The following CNBD1 variants were observed in gnomAD, a reference collection of about 807,000 sequenced individuals.
CNBD1 encodes the protein cyclic nucleotide-binding domain-containing protein 1.
In CNBD1, 71 loss-of-function variants were observed where a neutral mutation model predicts 54.4. The ratio of observed to expected loss-of-function variants is 1.30; its 90% CI spans 1.08 to 1.59. The LOEUF (loss-of-function observed/expected upper bound fraction) is 1.59, where lower values mean the gene tolerates loss of function less well. Among genes scored for constraint, CNBD1 ranks in the 40% most tolerant of loss-of-function variants. The probability of loss-of-function intolerance (pLI) is 0.00; values close to 1 mark genes in which losing one functional copy is unlikely to be tolerated. For synonymous variants in CNBD1, 182 were observed against 170.7 expected (o/e 1.07, Z -0.51); for missense variants, 659 against 518.0 (o/e 1.27, Z -2.64).
chr8:87,179,155 C>T (rs937941549), intron 4 of CNBD1, among the ~76,000 whole-genome samples: 2 of 152,112 alleles, frequency 1.3e-5, no homozygotes, highest in African/African-American at 4.8e-5. Flanking sequence ...GTGATCCACC[C>T]GCCTTGGCCT....
At chr8:87,165,487 TTTG>T (rs1418990182) in intron 4 of CNBD1, among the ~76,000 whole-genome samples, 1 of 152,006 alleles carries the variant, frequency 6.6e-6, no homozygotes, top group African/African-American at 2.4e-5. Flanking sequence ...GATCGACACT[TTTG>T]TTATTATAAA....
chr8:87,311,078 A>T (rs1809253762), intron 8 of CNBD1, among the ~76,000 whole-genome samples: 1 of 152,076 alleles, frequency 6.6e-6, no homozygotes, highest in Non-Finnish European at 1.5e-5. Flanking sequence ...AGCAATTGCA[A>T]CAAAAACAAA....
chr8:86,867,287 A>G (rs1418886016), intron 1 of CNBD1, among the ~76,000 whole-genome samples: 2 of 152,182 alleles, frequency 1.3e-5, no homozygotes, highest in African/African-American at 4.8e-5. Context: ...AGTGTTAGTT[A>G]AGATTTTTAA....
intron 4 of CNBD1, among the ~76,000 whole-genome samples, chr8:87,188,916 T>C (rs761696422): frequency 6.6e-6 from 1 of 151,724 alleles, no homozygotes; most frequent in Non-Finnish European, 1.5e-5. Flanking sequence ...TTGTAAACTT[T>C]TGAGCACAAG....
intron 4 of CNBD1, among the ~76,000 whole-genome samples, chr8:87,077,294 C>T (rs1248589970): frequency 1.3e-5 from 2 of 152,086 alleles, no homozygotes; most frequent in Non-Finnish European, 2.9e-5. Flanking sequence ...GGGCTGTCAG[C>T]AGGGTGGGAT....
intron 8 of CNBD1, among the ~76,000 whole-genome samples, chr8:87,342,667 T>C (rs906964125): frequency 6.6e-6 from 1 of 152,026 alleles, no homozygotes; most frequent in Non-Finnish European, 1.5e-5. Flanking sequence ...CATCACATAT[T>C]GGTAGGGCCG....
intron 9 of CNBD1, among the ~76,000 whole-genome samples, chr8:87,353,410 C>T (rs889428782): frequency 1.3e-4 from 20 of 152,172 alleles, no homozygotes; most frequent in Non-Finnish European, 1.9e-4. Flanking sequence ...AAGGACAATG[C>T]TTTCAATTAC....
rs78649588 is a variant in CNBD1, at chr8:87,043,911, G to A, written c.431+104157G>A. Among the ~76,000 whole-genome samples the A allele has an allele frequency of 2.0e-4, 30 of 152,306 alleles. No homozygotes were observed. In the East Asian group the frequency reaches 5.8e-3, roughly 29 times the overall value. The stretch of plus-strand genomic sequence containing the variant: ...CTCCCCATCCCACTGTCAGAAAGAA[G>A]TTGGTTTCAGGCTTTCCCCTTCCTC... On this transcript the variant is annotated intron_variant, in intron 4 of 10. Transcript: ENST00000518476.
chr8:87,320,703 T>C (rs1338453764), intron 8 of CNBD1, among the ~76,000 whole-genome samples: 4 of 152,098 alleles, frequency 2.6e-5, no homozygotes, highest in Admixed American at 2.6e-4. Flanking sequence ...ACCTATGTGT[T>C]TATTTATTTT....
intron 4 of CNBD1, among the ~76,000 whole-genome samples, chr8:87,092,038 A>G (rs533818887): frequency 1.3e-5 from 2 of 152,216 alleles, no homozygotes; most frequent in Non-Finnish European, 2.9e-5. Context: ...GCAGATGGTT[A>G]TATTTATTTC....
chr8:87,232,147 C>T (rs1807455866), intron 5 of CNBD1, among the ~76,000 whole-genome samples: 1 of 152,134 alleles, frequency 6.6e-6, no homozygotes, highest in South Asian at 2.1e-4. Context: ...ATTGCATGGA[C>T]ATACAAGAGC....
intron 5 of CNBD1, 29 bp from the exon 6 acceptor site, chr8:87,236,889 GT>G: frequency 6.9e-7 from 1 of 1,446,142 alleles, no homozygotes; most frequent in Non-Finnish European, 9.6e-7. Flanking sequence ...TGAGCACACA[GT>G]ATATATTTTT....
intron 6 of CNBD1, among the ~76,000 whole-genome samples, chr8:87,263,308 AT>A (rs1175027009): frequency 1.3e-5 from 2 of 152,028 alleles, no homozygotes; most frequent in Non-Finnish European, 2.9e-5. Context: ...ACTTTTTTCT[AT>A]TTTTAAGCTT....
chr8:87,185,386 A>G (rs1435990505), intron 4 of CNBD1, among the ~76,000 whole-genome samples: 1 of 152,104 alleles, frequency 6.6e-6, no homozygotes. Context: ...GGTGCCAGTT[A>G]TTTTAATTTT....
intron 3 of CNBD1, among the ~76,000 whole-genome samples, chr8:86,906,591 T>G (rs1809021677): frequency 6.6e-6 from 1 of 152,226 alleles, no homozygotes; most frequent in Non-Finnish European, 1.5e-5. Context: ...TGATTCCAAG[T>G]ATACTCAATT....
At chr8:87,281,667 A>G (rs953370637) in intron 6 of CNBD1, among the ~76,000 whole-genome samples, 1 of 147,206 alleles carries the variant, frequency 6.8e-6, no homozygotes, top group African/African-American at 2.5e-5. Context: ...ATTTATTTCT[A>G]CAAGGTAGAT....
At chr8:87,099,732 T>C (rs1811391665) in intron 4 of CNBD1, among the ~76,000 whole-genome samples, 5 of 152,294 alleles carry the variant, frequency 3.3e-5, no homozygotes, top group Admixed American at 2.6e-4. Context: ...CATGTTTGTA[T>C]GATATAAGGT....
intron 2 of CNBD1, among the ~76,000 whole-genome samples, chr8:87,424,516 C>T (rs62528194): frequency 0.041 from 6,179 of 152,240 alleles, 173 homozygotes; most frequent in Non-Finnish European, 0.06. Flanking sequence ...TTTATTTCTG[C>T]CTTCATTTCG....
chr8:87,237,657 C>A (rs1807610242), intron 6 of CNBD1, among the ~76,000 whole-genome samples: 1 of 152,012 alleles, frequency 6.6e-6, no homozygotes, highest in Non-Finnish European at 1.5e-5. Context: ...CTGGATACTC[C>A]ACATGGGATA....
Sources: gnomAD v4.1 joint callset for allele counts (sites outside exome capture counted in the v4.1 genomes callset) on GRCh38, gnomAD v4.1.1 for gene constraint, MANE v1.5 for transcripts, NCBI Gene and HGNC (gene_info 2026-07-23, HGNC 2026-07-21) for gene names.